The following AFG2A variants were observed in gnomAD, a reference collection of about 807,000 sequenced individuals.
AFG2A encodes ATPase family gene 2 protein homolog A.
the AFG2A span, among the ~76,000 whole-genome samples, chr4:123,280,113 G>A: frequency 2.6e-5 from 4 of 152,142 alleles, no homozygotes; most frequent in Non-Finnish European, 5.9e-5. Context: ...GCTGCATTTA[G>A]TAGACCTGGG....
At chr4:122,933,373 T>G in the AFG2A span, 1 of 1,262,862 alleles carries the variant, frequency 7.9e-7, no homozygotes, top group Non-Finnish European at 1.1e-6. Flanking sequence ...ACATGTAATT[T>G]TACATCACAG....
the AFG2A span, among the ~76,000 whole-genome samples, chr4:123,003,602 G>T: frequency 6.6e-6 from 1 of 152,108 alleles, no homozygotes; most frequent in Admixed American, 6.5e-5. Flanking sequence ...TATCAGCAGC[G>T]CTGTCTGCAG....
At chr4:122,993,100 C>T in the AFG2A span, among the ~76,000 whole-genome samples, 2 of 151,946 alleles carry the variant, frequency 1.3e-5, no homozygotes, top group African/African-American at 2.4e-5. Flanking sequence ...ATTCTCCTGC[C>T]TCAGCCTCCC....
chr4:123,057,336 CATA>C, the AFG2A span: 1 of 1,523,232 alleles, frequency 6.6e-7, no homozygotes. Flanking sequence ...TATGATGTTA[CATA>C]ATAATAGCAA....
the AFG2A span, among the ~76,000 whole-genome samples, chr4:123,260,770 CTTA>C: frequency 1.3e-5 from 2 of 152,190 alleles, no homozygotes; most frequent in African/African-American, 4.8e-5. Context: ...AAGCGCTCTA[CTTA>C]TTATTGTTAG....
At chr4:123,015,804 TGGGGGGC>T in the AFG2A span, among the ~76,000 whole-genome samples, 2 of 75,858 alleles carry the variant, frequency 2.6e-5, no homozygotes, top group African/African-American at 4.6e-5. Flanking sequence ...GCGGCTCGGG[TGGGGGGC>T]TGACCCCCCC....
chr4:123,153,767 A>C, the AFG2A span, among the ~76,000 whole-genome samples: 1 of 151,970 alleles, frequency 6.6e-6, no homozygotes, highest in South Asian at 2.1e-4. Context: ...AACTGTTGAA[A>C]ACCAGTGATA....
chr4:123,007,542 GTGTA>G, the AFG2A span, among the ~76,000 whole-genome samples: 4 of 109,672 alleles, frequency 3.6e-5, no homozygotes, highest in Non-Finnish European at 7.9e-5. Flanking sequence ...ATATATATAT[GTGTA>G]TGTATGTGTG....
chr4:123,132,610 A>ATATATATG, the AFG2A span, among the ~76,000 whole-genome samples: 1 of 149,130 alleles, frequency 6.7e-6, no homozygotes, highest in Non-Finnish European at 1.5e-5. Flanking sequence ...ATATATATAT[A>ATATATATG]TATATGTGCA....
At chr4:122,939,957 G>C in the AFG2A span, among the ~76,000 whole-genome samples, 69 of 152,272 alleles carry the variant, frequency 4.5e-4, no homozygotes, top group African/African-American at 1.6e-3. Flanking sequence ...TAAAGGACAT[G>C]AACTCATCAT....
chr4:123,142,366 T>A, the AFG2A span, among the ~76,000 whole-genome samples: 2 of 152,174 alleles, frequency 1.3e-5, no homozygotes, highest in African/African-American at 4.8e-5. Context: ...TCATGTTTTA[T>A]TCATGGCCTA....
chr4:122,925,126 G>A, the AFG2A span, among the ~76,000 whole-genome samples: 6 of 151,892 alleles, frequency 4.0e-5, no homozygotes, highest in Non-Finnish European at 8.8e-5. Flanking sequence ...AAACCTAAGA[G>A]TCATCCATGA....
At chr4:123,110,885 A>G in the AFG2A span, among the ~76,000 whole-genome samples, 4 of 152,182 alleles carry the variant, frequency 2.6e-5, no homozygotes, top group Non-Finnish European at 5.9e-5. Context: ...CAGATACCTT[A>G]TTCTTTATCC....
chr4:123,238,205 C>T, the AFG2A span, among the ~76,000 whole-genome samples: 2 of 152,216 alleles, frequency 1.3e-5, no homozygotes, highest in Admixed American at 6.5e-5. Flanking sequence ...CACTGCAGCT[C>T]AGGAAGGCCT....
At chr4:123,042,795 A>T in the AFG2A span, among the ~76,000 whole-genome samples, 6 of 152,122 alleles carry the variant, frequency 3.9e-5, no homozygotes, top group Non-Finnish European at 5.9e-5. Context: ...CACTTTATTT[A>T]TAGTTTAAGT....
the AFG2A span, chr4:123,317,345 C>T: frequency 6.6e-6 from 1 of 151,764 alleles, no homozygotes; most frequent in Non-Finnish European, 1.5e-5. Context: ...TACAAATTAA[C>T]CTAAAAACAT....
At chr4:123,067,247 G>A in the AFG2A span, among the ~76,000 whole-genome samples, 15 of 152,162 alleles carry the variant, frequency 9.9e-5, no homozygotes, top group Admixed American at 5.2e-4. Context: ...GGCTGGGCAC[G>A]GTGACTCACA....
At chr4:122,937,781 C>T in the AFG2A span, among the ~76,000 whole-genome samples, 2,074 of 152,154 alleles carry the variant, frequency 0.014, 48 homozygotes, top group African/African-American at 0.047. Context: ...AAACCTGCTC[C>T]AAGGGATAGT....
chr4:122,949,111 G>T, the AFG2A span, among the ~76,000 whole-genome samples: 7 of 152,194 alleles, frequency 4.6e-5, no homozygotes, highest in Non-Finnish European at 7.3e-5. Context: ...GGGTTAGATC[G>T]TGAGAGTCAT....
Sources: gnomAD v4.1 joint callset for allele counts (sites outside exome capture counted in the v4.1 genomes callset) on GRCh38, gnomAD v4.1.1 for gene constraint, MANE v1.5 for transcripts, NCBI Gene and HGNC (gene_info 2026-07-23, HGNC 2026-07-21) for gene names.